Variants in EPHA3 observed in about 807,000 individuals in gnomAD.
EPHA3 encodes the protein ephrin type-A receptor 3.
A neutral mutation model predicts 107.1 loss-of-function variants in EPHA3; 42 were observed. That is an observed-to-expected ratio of 0.39 (90% CI 0.31 to 0.51). The LOEUF is 0.51. Among genes scored for constraint, EPHA3 ranks in the 20% least tolerant of loss-of-function variants. The pLI is 0.78. For synonymous variants in EPHA3, 461 were observed against 424.8 expected, an observed-to-expected ratio of 1.09 and a Z score of -1.05; for missense variants, 1,183 against 1,211.2, an observed-to-expected ratio of 0.98 and a Z score of 0.35.
chr3:89,108,240 C>A (rs1049704365), intron 1 of EPHA3, among the ~76,000 whole-genome samples: 7 of 152,082 alleles, frequency 4.6e-5, no homozygotes, highest in East Asian at 1.9e-4. Context: ...TCTCTAGACT[C>A]TTTAGTATGT....
intron 3 of EPHA3, among the ~76,000 whole-genome samples, chr3:89,322,884 T>C (rs1429752476): frequency 6.6e-6 from 1 of 151,472 alleles, no homozygotes; most frequent in African/African-American, 2.4e-5. Context: ...TTTGTTAAGT[T>C]ATCTAGACAT....
At chr3:89,182,988 G>T (rs1252789222) in intron 2 of EPHA3, among the ~76,000 whole-genome samples, 3 of 151,794 alleles carry the variant, frequency 2.0e-5, no homozygotes, top group African/African-American at 4.8e-5. Flanking sequence ...ATTGAAACTT[G>T]TCAGAATGTC....
intron 15 of EPHA3, among the ~76,000 whole-genome samples, chr3:89,459,949 A>G (rs1303588789): frequency 6.6e-6 from 1 of 152,220 alleles, no homozygotes; most frequent in African/African-American, 2.4e-5. Context: ...TAAGAGAAAT[A>G]CACATTTATT....
At chr3:89,250,567 A>G (rs777765267) in intron 3 of EPHA3, among the ~76,000 whole-genome samples, 9 of 152,118 alleles carry the variant, frequency 5.9e-5, no homozygotes, top group Non-Finnish European at 1.2e-4. Flanking sequence ...CCAGAATCCA[A>G]TCTTGGTTAC....
intron 2 of EPHA3, among the ~76,000 whole-genome samples, chr3:89,192,586 A>G (rs1240137178): frequency 2.0e-5 from 3 of 152,078 alleles, no homozygotes; most frequent in Non-Finnish European, 4.4e-5. Context: ...AGAATACACA[A>G]TTGACCAAAA....
At chr3:89,225,236 A>G (rs1219573065) in intron 3 of EPHA3, among the ~76,000 whole-genome samples, 2 of 151,980 alleles carry the variant, frequency 1.3e-5, no homozygotes, top group East Asian at 1.9e-4. Flanking sequence ...TAATGATCAG[A>G]AAAAAAATGC....
Position 89,218,599 on chromosome 3 carries a change from G to C in EPHA3, c.814+8079G>C, listed in dbSNP as rs539908375. On this transcript the variant is annotated intron_variant, in intron 3 of 16. Coordinates refer to ENST00000336596, the MANE Select transcript of EPHA3 (RefSeq NM_005233.6). Reference sequence around the variant, plus strand: ...GTGAATAGTGCCACAATAAACATACGTTTGCATGTGTCTTTATAGCAGCAT... The same window carrying C: ...GTGAATAGTGCCACAATAAACATACCTTTGCATGTGTCTTTATAGCAGCAT... Among the ~76,000 whole-genome samples, 142 of 152,000 alleles carry C rather than the reference G, an allele frequency of 9.3e-4. No homozygotes were observed. In the South Asian group the frequency reaches 0.013, roughly 14 times the overall value.
At chr3:89,224,418 C>T (rs1276466357) in intron 3 of EPHA3, among the ~76,000 whole-genome samples, 1 of 152,100 alleles carries the variant, frequency 6.6e-6, no homozygotes, top group East Asian at 1.9e-4. Context: ...TATCAGTTTA[C>T]CTTTTTTCAC....
intron 3 of EPHA3, among the ~76,000 whole-genome samples, chr3:89,259,813 G>C (rs1193176276): frequency 6.6e-6 from 1 of 151,998 alleles, no homozygotes; most frequent in Non-Finnish European, 1.5e-5. Context: ...TGTATTATTT[G>C]ACCTACATCT....
At chr3:89,115,804 C>T (rs1707241701) in intron 1 of EPHA3, among the ~76,000 whole-genome samples, 1 of 152,164 alleles carries the variant, frequency 6.6e-6, no homozygotes, top group Non-Finnish European at 1.5e-5. Context: ...GCCAAGCCCT[C>T]TCTCGTCTTT....
chr3:89,210,435 C>CTGCA lies in EPHA3; in HGVS notation c.730_733dup (p.Ser245MetfsTer21), dbSNP rs747593279. On this transcript the variant is annotated frameshift_variant, in exon 3 of 17. Coordinates refer to ENST00000336596, the MANE Select transcript of EPHA3 (RefSeq NM_005233.6). LOFTEE classifies it high-confidence loss of function. ...AGGAGGAAGATCCTCCAAGGATGTA[C>CTGCA]TGCAGTACAGAAGGCGAATGGCTTG... 1 of 1,612,954 alleles carries CTGCA rather than the reference C, an allele frequency of 6.2e-7. No individual in the cohort carries two copies. The highest frequency in any genetic ancestry group is 1.7e-5 in the Admixed American group (1 of 59,852).
chr3:89,340,784 T>C (rs1445508126), intron 3 of EPHA3, 132 bp from the exon 4 acceptor site: 2 of 906,714 alleles, frequency 2.2e-6, no homozygotes, highest in South Asian at 2.7e-5. Context: ...GTCATTTGCT[T>C]CTGTAAATTC....
At chr3:89,275,574 T>C (rs1349979803) in intron 3 of EPHA3, among the ~76,000 whole-genome samples, 1 of 152,076 alleles carries the variant, frequency 6.6e-6, no homozygotes, top group East Asian at 1.9e-4. Context: ...GAAAATGCCT[T>C]TCAAAATGCA....
intron 3 of EPHA3, among the ~76,000 whole-genome samples, chr3:89,318,306 G>A (rs1706958321): frequency 6.6e-6 from 1 of 151,866 alleles, no homozygotes; most frequent in Non-Finnish European, 1.5e-5. Context: ...GAGACAAAAT[G>A]TCAAGGTATA....
intron 3 of EPHA3, among the ~76,000 whole-genome samples, chr3:89,330,414 G>A (rs1275784352): frequency 6.6e-6 from 1 of 151,434 alleles, no homozygotes; most frequent in Non-Finnish European, 1.5e-5. Context: ...TATATCATAG[G>A]TTTTTTTTAA....
chr3:89,471,339 T>TA (rs981805784), intron 15 of EPHA3, among the ~76,000 whole-genome samples: 6 of 152,134 alleles, frequency 3.9e-5, no homozygotes, highest in Admixed American at 1.3e-4. Context: ...TGTATTTATA[T>TA]AAAAAAATCC....
At chr3:89,281,245 G>T (rs1363999328) in intron 3 of EPHA3, among the ~76,000 whole-genome samples, 1 of 152,016 alleles carries the variant, frequency 6.6e-6, no homozygotes, top group South Asian at 2.1e-4. Flanking sequence ...GGCTGGTCTC[G>T]AACTCCTGAG....
At chr3:89,452,707 C>T (rs1400839231) in intron 15 of EPHA3, among the ~76,000 whole-genome samples, 3 of 152,022 alleles carry the variant, frequency 2.0e-5, no homozygotes, top group Non-Finnish European at 4.4e-5. Flanking sequence ...TATAATCCCT[C>T]CTGTTTAATT....
At position 89,459,580 on chromosome 3, in the gene EPHA3, C is replaced by T. The variant is rs180769941; in HGVS notation, c.2690+9210C>T. 5.9e-5 allele frequency among the ~76,000 whole-genome samples: 9 copies of T among 151,652 alleles called. 1 individual carries two copies. The East Asian group carries it at 1.2e-3, about 20-fold the overall frequency. ...TTGACAGTGTTTCACTCTTGTCGCCCGGGCTGGCATGCAATGGTGCCATCC... is the reference window on the plus strand; with the variant it reads ...TTGACAGTGTTTCACTCTTGTCGCCTGGGCTGGCATGCAATGGTGCCATCC... On this transcript the variant is annotated intron_variant, in intron 15 of 16. Coordinates refer to ENST00000336596, the MANE Select transcript of EPHA3 (RefSeq NM_005233.6).
Sources: gnomAD v4.1 joint callset for allele counts (sites outside exome capture counted in the v4.1 genomes callset) on GRCh38, gnomAD v4.1.1 for gene constraint, MANE v1.5 for transcripts, NCBI Gene and HGNC (gene_info 2026-07-23, HGNC 2026-07-21) for gene names.